Variants in DNAH14 observed in about 807,000 individuals in gnomAD.
DNAH14 encodes the protein axonemal beta dynein heavy chain 14.
A neutral mutation model predicts 520.9 loss-of-function variants in DNAH14; 478 were observed. The ratio of observed to expected loss-of-function variants is 0.92; its 90% CI spans 0.85 to 0.99. The LOEUF (loss-of-function observed/expected upper bound fraction) is 0.99, where lower values mean the gene tolerates loss of function less well. DNAH14 is among the 50% of genes least tolerant of loss of function. DNAH14 has a pLI of 0.00. For missense variants in DNAH14, 4,831 were observed against 5,234.5 expected (o/e 0.92, Z 2.38); for synonymous variants, 1,581 against 1,757.2 (o/e 0.90, Z 2.51).
chr1:225,296,707 C>T (rs1479869284), intron 55 of DNAH14, among the ~76,000 whole-genome samples: 1 of 152,014 alleles, frequency 6.6e-6, no homozygotes, highest in Admixed American at 6.6e-5. Flanking sequence ...TTTTGCTTGT[C>T]TTGGGAAGAT....
chr1:224,964,761 A>G, intron 5 of DNAH14, 152 bp downstream of exon 5: 1 of 734,454 alleles, frequency 1.4e-6, no homozygotes, highest in Non-Finnish European at 2.1e-6. Context: ...AGTATTTGAC[A>G]TCATTTCATT....
intron 10 of DNAH14, among the ~76,000 whole-genome samples, chr1:225,021,237 A>G (rs184243984): frequency 6.6e-6 from 1 of 152,206 alleles, no homozygotes; most frequent in Non-Finnish European, 1.5e-5. Context: ...GATAACTGGA[A>G]CAAGAGAAGG....
At chr1:225,236,185 C>G (rs1013085946) in intron 42 of DNAH14, among the ~76,000 whole-genome samples, 1 of 152,038 alleles carries the variant, frequency 6.6e-6, no homozygotes, top group African/African-American at 2.4e-5. Context: ...ATCCCTCTTA[C>G]CACCACTTTA....
At chr1:225,388,351 T>G in intron 81 of DNAH14, 28 bp from the exon 82 acceptor site, 1 of 1,393,252 alleles carries the variant, frequency 7.2e-7, no homozygotes, top group Middle Eastern at 1.8e-4. Context: ...AGAAAAAAAA[T>G]GATGTGACTG....
At chr1:225,379,526 T>G (rs1481155253) in intron 79 of DNAH14, among the ~76,000 whole-genome samples, 1 of 152,102 alleles carries the variant, frequency 6.6e-6, no homozygotes, top group African/African-American at 2.4e-5. Flanking sequence ...TTTCCTTTTC[T>G]TTTTTTAAAT....
chr1:225,140,919 C>G lies in DNAH14; in HGVS notation c.4406C>G (p.Ala1469Gly). 1 of 1,551,324 alleles carries G rather than the reference C, an allele frequency of 6.4e-7. No homozygotes were observed. The highest frequency in any genetic ancestry group is 8.7e-7 in the Non-Finnish European group (1 of 1,146,896). Residue 1469 changes from alanine to glycine, a missense_variant, in exon 28 of 86, where the codon GCT becomes GGT. Physicochemically the swap from Ala to Gly is moderately conservative, Grantham distance 60. Transcript: ENST00000682510. The stretch of plus-strand genomic sequence containing the variant: ...GATACTAGTAACTCTCGAACAAAAG[C>G]TATACTAGGGGCATTGCTTATCCTT... Reference protein sequence around the residue: ...VLDTSNSRTKAILGALLILYV... With the variant: ...VLDTSNSRTKGILGALLILYV...
chr1:225,241,274 T>C (rs1419177220), intron 43 of DNAH14, among the ~76,000 whole-genome samples: 1 of 152,190 alleles, frequency 6.6e-6, no homozygotes, highest in Non-Finnish European at 1.5e-5. Flanking sequence ...TCCTATTACT[T>C]TGAAACAGTA....
chr1:225,341,663 TCAAA>T (rs897691777), intron 69 of DNAH14, among the ~76,000 whole-genome samples: 1 of 152,098 alleles, frequency 6.6e-6, no homozygotes, highest in Non-Finnish European at 1.5e-5. Flanking sequence ...CAAAACTCCT[TCAAA>T]CAAACAAACA....
At chr1:225,152,559 A>G in intron 32 of DNAH14, 138 bp from the exon 33 acceptor site, 1 of 853,170 alleles carries the variant, frequency 1.2e-6, no homozygotes, top group Non-Finnish European at 1.7e-6. Context: ...GGTACAATAA[A>G]AACTATCTTG....
In DNAH14 at chr1:225,192,777, G is replaced by T; in HGVS notation, c.5752G>T (p.Asp1918Tyr). Reference sequence around the variant, plus strand: ...TCTCAGTGAACTATATGGACAACTGGATCCTAATACTATGGAATGGACTGA... The same window carrying T: ...TCTCAGTGAACTATATGGACAACTGTATCCTAATACTATGGAATGGACTGA... ...VTLSELYGQL[D>Y]PNTMEWTDGL... is the part of the protein sequence containing the mutation. Residue 1918 changes from aspartate (D) to tyrosine (Y), a missense_variant, in exon 38 of 86, where the codon GAT becomes TAT. By Grantham distance (160) the Asp-to-Tyr change is radical (BLOSUM62 -3). Coordinates refer to ENST00000682510, the MANE Select transcript of DNAH14 (RefSeq NM_001367479.1). The T allele has an allele frequency of 1.3e-6, 2 of 1,550,148 alleles. No individual in the cohort carries two copies. Among genetic ancestry groups the T allele is most frequent in the Middle Eastern group, 1.7e-4 (1 of 5,972 alleles).
At chr1:224,953,376 G>A (rs891572766) in intron 2 of DNAH14, among the ~76,000 whole-genome samples, 22 of 151,712 alleles carry the variant, frequency 1.5e-4, no homozygotes, top group East Asian at 9.6e-4. Flanking sequence ...CACCCGCCTC[G>A]GCCTCCCAAA....
chr1:225,298,005 T>A (rs1031449459), intron 55 of DNAH14, among the ~76,000 whole-genome samples: 3 of 152,024 alleles, frequency 2.0e-5, no homozygotes, highest in Admixed American at 2.0e-4. Context: ...ACAATATTTC[T>A]TGGCCAGCCT....
At chr1:225,292,618 T>G (rs1354362779) in intron 55 of DNAH14, among the ~76,000 whole-genome samples, 1 of 152,178 alleles carries the variant, frequency 6.6e-6, no homozygotes, top group Non-Finnish European at 1.5e-5. Context: ...TAGGAATTTT[T>G]TTCTATTTCT....
chr1:225,188,763 T>C (rs1289775097), intron 37 of DNAH14, among the ~76,000 whole-genome samples: 1 of 151,984 alleles, frequency 6.6e-6, no homozygotes, highest in Admixed American at 6.6e-5. Context: ...GTTGATCCTG[T>C]AGATCATTTT....
chr1:225,317,815 C>G (rs1408487489), intron 60 of DNAH14, among the ~76,000 whole-genome samples: 1 of 152,086 alleles, frequency 6.6e-6, no homozygotes, highest in Non-Finnish European at 1.5e-5. Flanking sequence ...CTCTCCTATA[C>G]TAACCCACAT....
chr1:225,337,627 A>G (rs758322819), intron 67 of DNAH14, 131 bp downstream of exon 67: 31 of 697,882 alleles, frequency 4.4e-5, no homozygotes, highest in African/African-American at 1.1e-4. Flanking sequence ...ACACACATAT[A>G]TACTTACAGA....
At chr1:225,102,327 T>G (rs906080430) in intron 23 of DNAH14, among the ~76,000 whole-genome samples, 2 of 152,076 alleles carry the variant, frequency 1.3e-5, no homozygotes, top group Non-Finnish European at 2.9e-5. Flanking sequence ...TCTTTGCTAT[T>G]GTGAATAGTG....
At chr1:224,951,852 C>T (rs1231082695) in intron 1 of DNAH14, among the ~76,000 whole-genome samples, 1 of 151,814 alleles carries the variant, frequency 6.6e-6, no homozygotes, top group Admixed American at 6.6e-5. Context: ...GGGGTTTCAC[C>T]GTGGTCTCAA....
intron 54 of DNAH14, among the ~76,000 whole-genome samples, chr1:225,283,801 A>G (rs560700204): frequency 6.6e-6 from 1 of 152,306 alleles, no homozygotes; most frequent in East Asian, 1.9e-4. Context: ...AAGCCTCAGT[A>G]AATTTCAAAG....
Sources: allele counts gnomAD v4.1 joint callset (sites outside exome capture counted in the v4.1 genomes callset), GRCh38; gene constraint gnomAD v4.1.1; transcripts MANE v1.5; gene names NCBI Gene and HGNC (gene_info 2026-07-23, HGNC 2026-07-21).